NEGR1: variants seen among roughly 807,000 people sequenced by gnomAD.
The protein encoded by NEGR1 is IgLON family member 4.
Under a neutral mutation model 40.9 loss-of-function variants are expected in NEGR1, and 10 were observed. The observed-to-expected ratio is 0.24, with a 90% CI of 0.15 to 0.42. The LOEUF (loss-of-function observed/expected upper bound fraction) is 0.42, where lower values mean the gene tolerates loss of function less well. NEGR1 is among the 10% of genes least tolerant of loss of function. The pLI, the probability that NEGR1 is intolerant of heterozygous loss-of-function variation, is 1.00. For synonymous variants in NEGR1, 185 were observed against 166.8 expected, an observed-to-expected ratio of 1.11 and a Z score of -0.84; for missense variants, 352 against 438.9, an observed-to-expected ratio of 0.80 and a Z score of 1.77.
chr1:72,172,216 T>C (rs970029051), intron 1 of NEGR1, among the ~76,000 whole-genome samples: 1 of 152,178 alleles, frequency 6.6e-6, no homozygotes, highest in African/African-American at 2.4e-5. Flanking sequence ...TAGAATTTCT[T>C]CCACCTTAGG....
intron 2 of NEGR1, among the ~76,000 whole-genome samples, chr1:71,907,636 A>G (rs1035649366): frequency 6.6e-6 from 1 of 152,196 alleles, no homozygotes. Flanking sequence ...TCCACCCAGC[A>G]ATCCTATTAC....
chr1:72,066,423 T>A (rs1306581364), intron 1 of NEGR1, among the ~76,000 whole-genome samples: 2 of 152,198 alleles, frequency 1.3e-5, no homozygotes, highest in Non-Finnish European at 2.9e-5. Context: ...GACCACATTT[T>A]AACTTTTATA....
At chr1:71,437,679 A>T (rs570783659) in intron 6 of NEGR1, among the ~76,000 whole-genome samples, 1 of 152,294 alleles carries the variant, frequency 6.6e-6, no homozygotes, top group East Asian at 1.9e-4. Context: ...AGTGCGGAAG[A>T]GGTCAGGTTA....
At chr1:72,111,123 C>T (rs138282648) in intron 1 of NEGR1, among the ~76,000 whole-genome samples, 31 of 149,948 alleles carry the variant, frequency 2.1e-4, no homozygotes, top group African/African-American at 5.4e-4. Context: ...TATATATATA[C>T]ACACACACAC....
At chr1:72,254,724 T>A (rs1447799416) in intron 1 of NEGR1, among the ~76,000 whole-genome samples, 1 of 151,596 alleles carries the variant, frequency 6.6e-6, no homozygotes, top group Non-Finnish European at 1.5e-5. Context: ...AAAAAAGCAT[T>A]TTATTTATTA....
At chr1:72,175,123 C>T (rs1248932912) in intron 1 of NEGR1, among the ~76,000 whole-genome samples, 2 of 152,016 alleles carry the variant, frequency 1.3e-5, no homozygotes, top group Non-Finnish European at 2.9e-5. Context: ...CCCCCTTCCC[C>T]CGATATTTTC....
intron 6 of NEGR1, among the ~76,000 whole-genome samples, chr1:71,584,092 T>G (rs1429123060): frequency 1.3e-5 from 2 of 152,198 alleles, no homozygotes; most frequent in African/African-American, 4.8e-5. Context: ...TCTGGCTTGG[T>G]TTATTCAAAT....
At chr1:71,860,236 G>T (rs1185826167) in intron 2 of NEGR1, among the ~76,000 whole-genome samples, 1 of 151,548 alleles carries the variant, frequency 6.6e-6, no homozygotes, top group Non-Finnish European at 1.5e-5. Context: ...GGGGGAGTTT[G>T]TAAGAGACAA....
At chr1:71,562,775 C>A (rs1648502277) in intron 6 of NEGR1, among the ~76,000 whole-genome samples, 1 of 151,924 alleles carries the variant, frequency 6.6e-6, no homozygotes, top group Non-Finnish European at 1.5e-5. Flanking sequence ...CTAAGTGACT[C>A]CAACAATAAA....
chr1:71,568,236 T>C (rs1182382972), intron 6 of NEGR1, among the ~76,000 whole-genome samples: 2 of 152,186 alleles, frequency 1.3e-5, no homozygotes, highest in East Asian at 3.9e-4. Context: ...AGAGGCCTTT[T>C]AAAACCTCCT....
intron 1 of NEGR1, among the ~76,000 whole-genome samples, chr1:71,976,523 A>C (rs1646305328): frequency 6.6e-6 from 1 of 152,238 alleles, no homozygotes; most frequent in African/African-American, 2.4e-5. Context: ...AATCTGATTG[A>C]GGGAGACTGG....
At chr1:71,978,998 T>A (rs1340483328) in intron 1 of NEGR1, among the ~76,000 whole-genome samples, 1 of 152,012 alleles carries the variant, frequency 6.6e-6, no homozygotes, top group African/African-American at 2.4e-5. Context: ...ATATGGTACA[T>A]ATACACTATA....
chr1:72,261,294 C>G (rs1344926689), intron 1 of NEGR1, among the ~76,000 whole-genome samples: 1 of 151,910 alleles, frequency 6.6e-6, no homozygotes, highest in African/African-American at 2.4e-5. Context: ...GTTTTAACAC[C>G]TAACATAATG....
intron 1 of NEGR1, among the ~76,000 whole-genome samples, chr1:72,201,397 C>CAA: frequency 6.6e-6 from 1 of 151,442 alleles, no homozygotes; most frequent in East Asian, 1.9e-4. Flanking sequence ...TTATTTGTCT[C>CAA]AGAGTTTCTG....
At chr1:71,873,118 C>CAAAAAAAAAA (rs34592789) in intron 2 of NEGR1, among the ~76,000 whole-genome samples, 138 of 81,546 alleles carry the variant, frequency 1.7e-3, no homozygotes, top group East Asian at 3.3e-3. Flanking sequence ...AAAGATGTAG[C>CAAAAAAAAAA]AAAAAAAAAA....
intron 1 of NEGR1, among the ~76,000 whole-genome samples, chr1:72,136,931 C>G (rs763533602): frequency 6.6e-6 from 1 of 151,966 alleles, no homozygotes; most frequent in Admixed American, 6.6e-5. Flanking sequence ...AAAAAGTGGA[C>G]GAAGGATATT....
intron 3 of NEGR1, among the ~76,000 whole-genome samples, chr1:71,705,834 A>AAGAG (rs775227246): frequency 2.0e-5 from 3 of 148,932 alleles, no homozygotes; most frequent in East Asian, 2.0e-4. Context: ...GAAAGAAAGA[A>AAGAG]AGAGAGAGAG....
intron 1 of NEGR1, among the ~76,000 whole-genome samples, chr1:72,217,189 T>C (rs560076805): frequency 2.0e-4 from 30 of 151,766 alleles, no homozygotes; most frequent in Non-Finnish European, 3.2e-4. Flanking sequence ...AGTAAGCGTA[T>C]GGCAAAAATT....
intron 1 of NEGR1, among the ~76,000 whole-genome samples, chr1:72,215,951 A>T (rs1256909382): frequency 6.6e-6 from 1 of 152,076 alleles, no homozygotes. Context: ...AAAGACTTGG[A>T]ACCAACCCAA....
Sources: gnomAD v4.1 joint callset for allele counts (sites outside exome capture counted in the v4.1 genomes callset) on GRCh38, gnomAD v4.1.1 for gene constraint, MANE v1.5 for transcripts, NCBI Gene and HGNC (gene_info 2026-07-23, HGNC 2026-07-21) for gene names.